The following CYP2C8 variants were observed in gnomAD, a reference collection of about 807,000 sequenced individuals.
CYP2C8 encodes cytochrome P450 family 2 subfamily C member 8, also known as cytochrome P450 2C8.
Under a neutral mutation model 41.3 loss-of-function variants are expected in CYP2C8, and 51 were observed. That is an observed-to-expected ratio of 1.24 (90% CI 0.99 to 1.56). The LOEUF (loss-of-function observed/expected upper bound fraction) is 1.56. Among genes scored for constraint, CYP2C8 ranks in the 40% most tolerant of loss-of-function variants. The pLI is 0.00. For missense variants in CYP2C8, 651 were observed against 579.9 expected (o/e 1.12, Z -1.26); for synonymous variants, 218 against 205.8 (o/e 1.06, Z -0.51).
chr10:95,057,141 T>A (rs2134426861), intron 5 of CYP2C8, among the ~76,000 whole-genome samples: 1 of 152,182 alleles, frequency 6.6e-6, no homozygotes, highest in South Asian at 2.1e-4. Flanking sequence ...GGTGTTGCCA[T>A]GGGAATAGTA....
chr10:95,049,556 C>T lies in CYP2C8; in HGVS notation c.820-3605G>A, dbSNP rs11572134. 3.4e-3 allele frequency among the ~76,000 whole-genome samples: 523 copies of T among 152,208 alleles called. 4 individuals are homozygous for T. The highest frequency in any genetic ancestry group is 0.012 in the African/African-American group (506 of 41,534). On this transcript the variant is annotated intron_variant, in intron 5 of 8. Transcript: ENST00000371270. The stretch of plus-strand genomic sequence containing the variant: ...CCCACTCACAGAGGGAGCATTTAAA[C>T]CAGCCCTGGCCAGAGGTGAATCTCT...
At chr10:95,054,366 C>A (rs2033271226) in intron 5 of CYP2C8, among the ~76,000 whole-genome samples, 1 of 151,832 alleles carries the variant, frequency 6.6e-6, no homozygotes, top group Non-Finnish European at 1.5e-5. Context: ...CAATACTTTT[C>A]CTGATAAAAT....
At position 95,057,394 on chromosome 10, in the gene CYP2C8, TAATC is replaced by T. The variant is rs1269746568; in HGVS notation, c.819+937_819+940del. On this transcript the variant is annotated intron_variant, in intron 5 of 8. Coordinates refer to ENST00000371270, the MANE Select transcript of CYP2C8 (RefSeq NM_000770.3). Reference sequence around the variant, plus strand: ...TTTAAAATGTCATAATTTTCTGAATTAATCTATAGATTTAATGCAATCTTAAAAT... The same window carrying T: ...TTTAAAATGTCATAATTTTCTGAATTTATAGATTTAATGCAATCTTAAAAT... Among the ~76,000 whole-genome samples the T allele has an allele frequency of 4.3e-4, 65 of 152,312 alleles. 1 individual carries two copies. The highest frequency in any genetic ancestry group is 1.4e-3 in the African/African-American group (59 of 41,568).
chr10:95,061,617 G>C (rs945728144), intron 4 of CYP2C8, among the ~76,000 whole-genome samples: 1 of 151,998 alleles, frequency 6.6e-6, no homozygotes. Context: ...TTTTTTGAAG[G>C]GTTTTTTGTG....
At chr10:95,049,806 C>T (rs2033182237) in intron 5 of CYP2C8, among the ~76,000 whole-genome samples, 1 of 152,036 alleles carries the variant, frequency 6.6e-6, no homozygotes, top group South Asian at 2.1e-4. Context: ...CCCCCCTCTC[C>T]TAATCCCAAG....
At chr10:95,059,013 T>C (rs1374956539) in intron 4 of CYP2C8, among the ~76,000 whole-genome samples, 2 of 152,200 alleles carry the variant, frequency 1.3e-5, no homozygotes, top group Admixed American at 6.5e-5. Context: ...ATGGTGTCTA[T>C]GTGCCACATT....
chr10:95,041,671 C>T (rs575625885), intron 7 of CYP2C8, among the ~76,000 whole-genome samples: 1 of 151,338 alleles, frequency 6.6e-6, no homozygotes, highest in Admixed American at 6.6e-5. Flanking sequence ...GTCCCAGCTA[C>T]TCGGGAGGCT....
intron 2 of CYP2C8, 34 bp downstream of exon 2, chr10:95,067,495 T>C (rs370852349): frequency 6.2e-7 from 1 of 1,614,034 alleles, no homozygotes; most frequent in African/African-American, 1.3e-5. Flanking sequence ...CTCACCCCAG[T>C]TACCAAAGCT....
chr10:95,061,263 C>T (rs1385419362), intron 4 of CYP2C8, among the ~76,000 whole-genome samples: 1 of 152,124 alleles, frequency 6.6e-6, no homozygotes, highest in Non-Finnish European at 1.5e-5. Flanking sequence ...TGTGAATCCA[C>T]CTGGTCCTGG....
chr10:95,064,878 A>G lies in CYP2C8; in HGVS notation c.564T>C (p.Asp188=), dbSNP rs752618922. The G allele has an allele frequency of 8.1e-6, 13 of 1,613,860 alleles. No homozygotes were observed. Among genetic ancestry groups the G allele is most frequent in the African/African-American group, 1.3e-5 (1 of 74,908 alleles). Residue 188 remains aspartate, a synonymous_variant, in exon 4 of 9, where the codon GAT becomes GAC. Coordinates refer to ENST00000371270, the MANE Select transcript of CYP2C8 (RefSeq NM_000770.3). ...GGGTGAGAAAATTCTGATCTTTATA[A>G]TCAAATCGTTTCTGGAAAACAACGG... is the stretch of plus-strand genomic sequence containing the variant. ...ICSVVFQKRF[D]YKDQNFLTLM... is the part of the protein sequence containing the mutation.
chr10:95,045,721 C>A lies in CYP2C8; in HGVS notation c.961+89G>T, dbSNP rs76106817. The A allele has an allele frequency of 2.0e-6, 3 of 1,504,894 alleles. No individual in the cohort carries two copies. In the East Asian group the frequency reaches 6.8e-5, roughly 34 times the overall value. The allele number at this position is 1,504,894 out of a possible 1,614,324, so 93.2% of individuals were successfully genotyped here. On this transcript the variant is annotated intron_variant, in intron 6 of 8. Transcript: ENST00000371270. ...TGACACAGAAATTTAAAGAATGAGCCTTCTCTGAGAGAAACAAGGTGGAGG... is the reference window on the plus strand; with the variant it reads ...TGACACAGAAATTTAAAGAATGAGCATTCTCTGAGAGAAACAAGGTGGAGG...
At chr10:95,054,496 A>G (rs867067252) in intron 5 of CYP2C8, among the ~76,000 whole-genome samples, 25 of 152,286 alleles carry the variant, frequency 1.6e-4, no homozygotes, top group Middle Eastern at 3.4e-3. Context: ...ATCAGGGGGA[A>G]AAGATCCAAG....
At chr10:95,062,869 A>G (rs930781133) in intron 4 of CYP2C8, among the ~76,000 whole-genome samples, 3 of 152,092 alleles carry the variant, frequency 2.0e-5, no homozygotes, top group Admixed American at 6.5e-5. Flanking sequence ...GCTTGTATGT[A>G]AAGGATTTTA....
rs140599093 is a variant in CYP2C8 at position 95,045,950 on chromosome 10, T to C, written c.821A>G (p.Glu274Gly). The change falls in exon 6 of 9, where the codon GAA becomes GGA. Residue 274 changes from glutamate to glycine, a missense_variant and splice_region_variant. Glu to Gly is a moderately conservative substitution (Grantham distance 98). Coordinates refer to ENST00000371270, the MANE Select transcript of CYP2C8 (RefSeq NM_000770.3). Reference sequence around the variant, plus strand: ...GAATTCTGACTTTTGGTTGTCCTTTTCCTAGAAGTGATTTCATGCAATTAT... The same window carrying C: ...GAATTCTGACTTTTGGTTGTCCTTTCCCTAGAAGTGATTTCATGCAATTAT... ...IDCFLIKMEQEKDNQKSEFNI... is the reference protein window; with the variant it reads ...IDCFLIKMEQGKDNQKSEFNI... The C allele has an allele frequency of 2.5e-5, 40 of 1,613,764 alleles. No individual in the cohort carries two copies. The African/African-American group carries it at 5.1e-4, about 20-fold the overall frequency.
intron 3 of CYP2C8, 26 bp from the exon 4 acceptor site, chr10:95,064,986 A>G: frequency 7.1e-7 from 1 of 1,408,824 alleles, no homozygotes; most frequent in Non-Finnish European, 9.3e-7. Context: ...TTTTTAAAAA[A>G]ATTATTAAAA....
chr10:95,054,827 G>T (rs2033282114), intron 5 of CYP2C8, among the ~76,000 whole-genome samples: 1 of 152,028 alleles, frequency 6.6e-6, no homozygotes, highest in Non-Finnish European at 1.5e-5. Context: ...AGGGCCAAAA[G>T]CCCTGAGAAC....
chr10:95,065,319 C>T (rs563709769), intron 3 of CYP2C8, among the ~76,000 whole-genome samples: 2 of 152,022 alleles, frequency 1.3e-5, no homozygotes, highest in African/African-American at 2.4e-5. Flanking sequence ...AGCCTCTGGA[C>T]AATAAAACAC....
intron 5 of CYP2C8, among the ~76,000 whole-genome samples, chr10:95,050,659 G>A (rs1221285692): frequency 6.6e-6 from 1 of 152,154 alleles, no homozygotes; most frequent in African/African-American, 2.4e-5. Context: ...TCTTGTCCAA[G>A]ACCATCAAGG....
Position 95,049,912 on chromosome 10 carries a change from G to A in CYP2C8, c.820-3961C>T, listed in dbSNP as rs143114203. On this transcript the variant is annotated intron_variant, in intron 5 of 8. Coordinates refer to ENST00000371270, the MANE Select transcript of CYP2C8 (RefSeq NM_000770.3). ...AGCAATACCCAGGTACTATGTTGAG[G>A]GCTTTGGGTAAGTCTCTGAGGCTTA... Among the ~76,000 whole-genome samples, 55 of 136,794 alleles carry A rather than the reference G, an allele frequency of 4.0e-4. 2 individuals carry two copies. In the East Asian group the frequency reaches 9.9e-3, roughly 25 times the overall value. 89.7% of individuals were successfully genotyped at this position (136,794 alleles called of 152,430 possible).
Sources: gnomAD v4.1 joint callset for allele counts (sites outside exome capture counted in the v4.1 genomes callset) on GRCh38, gnomAD v4.1.1 for gene constraint, MANE v1.5 for transcripts, NCBI Gene and HGNC (gene_info 2026-07-23, HGNC 2026-07-21) for gene names.